Variants in SLIT2 observed in about 807,000 individuals in gnomAD.
SLIT2 encodes the protein slit guidance ligand 2, also known as slit homolog 2 protein.
SLIT2 carries 41 observed loss-of-function variants against 185.7 expected under a neutral mutation model. The ratio of observed to expected loss-of-function variants is 0.22; its 90% CI spans 0.17 to 0.29. The LOEUF (loss-of-function observed/expected upper bound fraction) is 0.29, where lower values mean the gene tolerates loss of function less well. SLIT2 is among the 10% of genes least tolerant of loss of function. The pLI, the probability that SLIT2 is intolerant of heterozygous loss-of-function variation, is 1.00. For missense variants in SLIT2, 1,571 were observed against 1,909.0 expected, an observed-to-expected ratio of 0.82 and a Z score of 3.30; for synonymous variants, 693 against 680.2, an observed-to-expected ratio of 1.02 and a Z score of -0.29.
At position 20,306,018 on chromosome 4, in the gene SLIT2, T is replaced by G. The variant is rs552316114; in HGVS notation, c.395+37137T>G. 6.6e-5 allele frequency among the ~76,000 whole-genome samples: 10 copies of G among 152,158 alleles called. No individual in the cohort carries two copies. The South Asian group carries it at 1.7e-3, about 25-fold the overall frequency. On this transcript the variant is annotated intron_variant, in intron 4 of 36. Coordinates refer to ENST00000504154, the MANE Select transcript of SLIT2 (RefSeq NM_004787.4). Reference sequence around the variant, plus strand: ...CTCCTATGAAGTTATGCATAATTCTTACATCTTCATTGCTTCCAATTTGGT... The same window carrying G: ...CTCCTATGAAGTTATGCATAATTCTGACATCTTCATTGCTTCCAATTTGGT...
At chr4:20,413,753 A>G (rs991439899) in intron 4 of SLIT2, among the ~76,000 whole-genome samples, 2 of 152,054 alleles carry the variant, frequency 1.3e-5, no homozygotes, top group African/African-American at 2.4e-5. Context: ...TACTCTTTAC[A>G]CAATAGGTAT....
At chr4:20,462,178 G>A (rs995097679) in intron 4 of SLIT2, among the ~76,000 whole-genome samples, 10 of 152,082 alleles carry the variant, frequency 6.6e-5, no homozygotes, top group Admixed American at 3.3e-4. Flanking sequence ...TACATTCACC[G>A]TTCTTCATAT....
intron 5 of SLIT2, among the ~76,000 whole-genome samples, 180 bp downstream of exon 5, chr4:20,468,003 C>T (rs1489271474): frequency 2.0e-5 from 3 of 152,214 alleles, no homozygotes; most frequent in South Asian, 4.1e-4. Flanking sequence ...ACGAGATGCT[C>T]ATTTAGAAGA....
At chr4:20,371,783 T>C (rs1316072367) in intron 4 of SLIT2, among the ~76,000 whole-genome samples, 4 of 152,126 alleles carry the variant, frequency 2.6e-5, no homozygotes, top group Non-Finnish European at 5.9e-5. Context: ...TAATTAATGC[T>C]AGTGGCCTGT....
chr4:20,447,547 T>C lies in SLIT2; in HGVS notation c.396-20205T>C, dbSNP rs114060311. Among the ~76,000 whole-genome samples the C allele has an allele frequency of 5.3e-3, 809 of 152,276 alleles. 11 individuals carry two copies. Among genetic ancestry groups the C allele is most frequent in the African/African-American group, 0.019 (785 of 41,548 alleles). On this transcript the variant is annotated intron_variant, in intron 4 of 36. Transcript: ENST00000504154. ...TTGATACAAGGAGAAAAAGATGAAGTTAAAAAGTAAGAAGTTATCACAGGA... is the reference window on the plus strand; with the variant it reads ...TTGATACAAGGAGAAAAAGATGAAGCTAAAAAGTAAGAAGTTATCACAGGA...
Position 20,534,977 on chromosome 4 carries a change from A to G in SLIT2, c.1832+1262A>G, listed in dbSNP as rs183193399. Among the ~76,000 whole-genome samples the G allele has an allele frequency of 5.9e-5, 9 of 152,250 alleles. No individual in the cohort carries two copies. In the East Asian group the frequency reaches 1.7e-3, roughly 29 times the overall value. On this transcript the variant is annotated intron_variant, in intron 18 of 36. Coordinates refer to ENST00000504154, the MANE Select transcript of SLIT2 (RefSeq NM_004787.4). ...TAACTTGGTGCCCTTTCAAAATGAT[A>G]GGCAAACATTCACTCAGCCTTGTGA...
At chr4:20,543,180 A>T (rs1722965134) in intron 21 of SLIT2, among the ~76,000 whole-genome samples, 1 of 152,014 alleles carries the variant, frequency 6.6e-6, no homozygotes, top group African/African-American at 2.4e-5. Flanking sequence ...TTAAGAAGAG[A>T]TGCTGCTTTT....
intron 4 of SLIT2, among the ~76,000 whole-genome samples, chr4:20,292,877 G>C (rs1489896517): frequency 2.6e-5 from 4 of 152,112 alleles, no homozygotes; most frequent in Non-Finnish European, 1.5e-5. Flanking sequence ...ACTGAGTATT[G>C]ATACAATGAT....
chr4:20,267,696 G>C (rs934708534), intron 3 of SLIT2, among the ~76,000 whole-genome samples: 9 of 151,758 alleles, frequency 5.9e-5, no homozygotes, highest in African/African-American at 2.2e-4. Context: ...GCCCATTTCT[G>C]CCCTCTGGAG....
At chr4:20,467,689 G>T in intron 4 of SLIT2, 63 bp from the exon 5 acceptor site, 1 of 1,004,522 alleles carries the variant, frequency 1.0e-6, no homozygotes, top group South Asian at 1.6e-5. Context: ...TCAAACATTT[G>T]GATTAAAATA....
At chr4:20,427,608 C>G (rs1006515004) in intron 4 of SLIT2, among the ~76,000 whole-genome samples, 20 of 151,460 alleles carry the variant, frequency 1.3e-4, no homozygotes, top group African/African-American at 4.4e-4. Flanking sequence ...TTTTTTCCAA[C>G]ATTGCTGGTG....
intron 5 of SLIT2, among the ~76,000 whole-genome samples, chr4:20,478,386 G>A (rs1716339968): frequency 6.6e-6 from 1 of 152,166 alleles, no homozygotes; most frequent in African/African-American, 2.4e-5. Context: ...AGAATATGAA[G>A]AAGCGTATAA....
At chr4:20,489,761 G>T (rs1410936479) in intron 8 of SLIT2, among the ~76,000 whole-genome samples, 1 of 151,764 alleles carries the variant, frequency 6.6e-6, no homozygotes, top group African/African-American at 2.4e-5. Flanking sequence ...TCCAGCATGG[G>T]TGACAAGAGA....
intron 4 of SLIT2, among the ~76,000 whole-genome samples, chr4:20,393,093 C>T (rs1347168556): frequency 6.6e-6 from 1 of 152,036 alleles, no homozygotes; most frequent in African/African-American, 2.4e-5. Flanking sequence ...ACTAAGACGT[C>T]ACAATGACTA....
chr4:20,595,653 T>C (rs767189720), intron 30 of SLIT2, 44 bp from the exon 31 acceptor site: 1 of 1,605,964 alleles, frequency 6.2e-7, no homozygotes, highest in Non-Finnish European at 8.5e-7. Flanking sequence ...TTTACTTATT[T>C]TGGCTCAGTT....
chr4:20,371,359 A>G (rs1723558139), intron 4 of SLIT2, among the ~76,000 whole-genome samples: 1 of 152,074 alleles, frequency 6.6e-6, no homozygotes. Context: ...ACACCCACTC[A>G]CATTCACACA....
At chr4:20,597,281 T>A (rs879481498) in intron 32 of SLIT2, among the ~76,000 whole-genome samples, 1 of 152,086 alleles carries the variant, frequency 6.6e-6, no homozygotes. Context: ...TTGGCCAGGA[T>A]GGTCTCGAAC....
At position 20,253,790 on chromosome 4, in the gene SLIT2, G is replaced by C. The variant is rs757377457; in HGVS notation, c.-26G>C. On this transcript the variant is annotated 5_prime_UTR_variant, in exon 1 of 37. Transcript: ENST00000504154. ...CAAGCTAAAGAAAGCCCCCAGTGCCGGCGAGGAAGGAGGCGGCGGGGAAAG... is the reference window on the plus strand; with the variant it reads ...CAAGCTAAAGAAAGCCCCCAGTGCCCGCGAGGAAGGAGGCGGCGGGGAAAG... 1 of 1,595,696 alleles carries C rather than the reference G, an allele frequency of 6.3e-7. No homozygotes were observed. The highest frequency in any genetic ancestry group is 1.7e-5 in the Admixed American group (1 of 59,908).
At chr4:20,567,638 T>C (rs372156153) in intron 28 of SLIT2, 23 bp downstream of exon 28, 11 of 1,502,802 alleles carry the variant, frequency 7.3e-6, no homozygotes, top group South Asian at 1.1e-5. Context: ...TCTATGACCA[T>C]CTGTGTCTGA....
Sources: allele counts gnomAD v4.1 joint callset (sites outside exome capture counted in the v4.1 genomes callset), GRCh38; gene constraint gnomAD v4.1.1; transcripts MANE v1.5; gene names NCBI Gene and HGNC (gene_info 2026-07-23, HGNC 2026-07-21).